Variants in CATSPERE observed in about 807,000 individuals in gnomAD.
CATSPERE encodes cation channel sperm-associated auxiliary subunit epsilon.
In CATSPERE, 93 loss-of-function variants were observed where a neutral mutation model predicts 114.1. The observed-to-expected ratio is 0.81, with a 90% confidence interval of 0.69 to 0.97. The LOEUF is 0.97. CATSPERE is among the 50% of genes least tolerant of loss of function. The pLI is 0.00. For synonymous variants in CATSPERE, 341 were observed against 384.1 expected (o/e 0.89, Z 1.31); for missense variants, 1,058 against 1,131.6 (o/e 0.93, Z 0.93).
At chr1:244,576,120 A>G (rs1287642201) in intron 11 of CATSPERE, among the ~76,000 whole-genome samples, 1 of 151,996 alleles carries the variant, frequency 6.6e-6, no homozygotes, top group African/African-American at 2.4e-5. Flanking sequence ...CTCGTGCACA[A>G]GGTTACCTGG....
At chr1:244,592,330 G>A (rs372552059) in intron 15 of CATSPERE, among the ~76,000 whole-genome samples, 9 of 152,000 alleles carry the variant, frequency 5.9e-5, no homozygotes, top group Admixed American at 1.3e-4. Flanking sequence ...ATATTTAATT[G>A]TATGCATATT....
chr1:244,490,167 A>G (rs1671774487), intron 5 of CATSPERE, among the ~76,000 whole-genome samples: 2 of 152,146 alleles, frequency 1.3e-5, no homozygotes. Context: ...GGTCATTATT[A>G]ATCTTAGCGT....
At chr1:244,485,977 C>T (rs1025757428) in intron 5 of CATSPERE, among the ~76,000 whole-genome samples, 7 of 151,992 alleles carry the variant, frequency 4.6e-5, no homozygotes, top group African/African-American at 1.7e-4. Flanking sequence ...AGCCACCACA[C>T]CAGGCCTCTA....
intron 6 of CATSPERE, among the ~76,000 whole-genome samples, chr1:244,491,866 CACAT>C (rs1672232099): frequency 6.6e-6 from 1 of 152,182 alleles, no homozygotes. Flanking sequence ...AATTCCTTGA[CACAT>C]ACACTCTCCC....
chr1:244,552,507 C>T lies in CATSPERE; in HGVS notation c.722C>T (p.Ala241Val), dbSNP rs1164699320. 1.2e-6 allele frequency: 2 copies of T among 1,614,144 alleles called. No homozygotes were observed. The highest frequency in any genetic ancestry group is 3.3e-5 in the Admixed American group (2 of 60,020). Residue 241 changes from alanine to valine, a missense_variant, in exon 9 of 22, where the codon GCT (alanine) becomes GTT (valine). Physicochemically the swap from Ala to Val is moderately conservative, Grantham distance 64 (BLOSUM62 0). Coordinates refer to ENST00000366534, the MANE Select transcript of CATSPERE (RefSeq NM_001130957.2). ...ISSPRGSQLMASWDACVVASA... is the reference protein window; with the variant it reads ...ISSPRGSQLMVSWDACVVASA... The stretch of plus-strand genomic sequence containing the variant: ...TCACCACGTGGTAGTCAATTAATGG[C>T]TTCCTGGGATGCTTGTGTAGTTGCA...
At chr1:244,559,137 G>C (rs1287210023) in intron 9 of CATSPERE, among the ~76,000 whole-genome samples, 1 of 152,136 alleles carries the variant, frequency 6.6e-6, no homozygotes, top group African/African-American at 2.4e-5. Context: ...GGAATCCTTG[G>C]AATTCTTATC....
intron 8 of CATSPERE, among the ~76,000 whole-genome samples, chr1:244,532,886 G>A (rs1216498761): frequency 6.6e-6 from 1 of 152,032 alleles, no homozygotes; most frequent in East Asian, 1.9e-4. Context: ...GGTCTGTAGT[G>A]GAGATTAAGT....
intron 19 of CATSPERE, among the ~76,000 whole-genome samples, chr1:244,616,062 G>A (rs117259142): frequency 7.9e-5 from 12 of 151,970 alleles, no homozygotes; most frequent in South Asian, 2.1e-4. Flanking sequence ...CTGGGCGATC[G>A]AAGCTTCAGT....
chr1:244,553,330 G>T (rs1453489151), intron 9 of CATSPERE, among the ~76,000 whole-genome samples: 2 of 151,954 alleles, frequency 1.3e-5, no homozygotes, highest in Non-Finnish European at 2.9e-5. Context: ...GGGAGGCCGA[G>T]GCGGGCAGAT....
rs556099147 is a variant in CATSPERE, at chr1:244,516,457, C to T, written c.430-2135C>T. Among the ~76,000 whole-genome samples the T allele has an allele frequency of 1.6e-4, 24 of 152,230 alleles. No homozygotes were observed. In the East Asian group the frequency reaches 4.1e-3, roughly 26 times the overall value. On this transcript the variant is annotated intron_variant, in intron 7 of 21. Transcript: ENST00000366534. ...CAAACTCCTGGGTTCACGTGATCCTCCTGCCTCAGCCTCCTGAGTAGCTGG... is the reference window on the plus strand; with the variant it reads ...CAAACTCCTGGGTTCACGTGATCCTTCTGCCTCAGCCTCCTGAGTAGCTGG...
rs187243756 is a variant in CATSPERE, at chr1:244,614,822, A to G, written c.2491-2707A>G. On this transcript the variant is annotated intron_variant, in intron 19 of 21. Coordinates refer to ENST00000366534, the MANE Select transcript of CATSPERE (RefSeq NM_001130957.2). The stretch of plus-strand genomic sequence containing the variant: ...TCTTATTTTTAAAATTAATTTTTTT[A>G]TTTTCATTTTTACCATGTAATATAT... Among the ~76,000 whole-genome samples, 30 of 151,800 alleles carry G rather than the reference A, an allele frequency of 2.0e-4. No homozygotes were observed. The East Asian group carries it at 5.0e-3, about 25-fold the overall frequency.
At chr1:244,539,427 A>C (rs1658224740) in intron 8 of CATSPERE, among the ~76,000 whole-genome samples, 1 of 135,536 alleles carries the variant, frequency 7.4e-6, no homozygotes, top group African/African-American at 2.7e-5. Context: ...TATTGGTCTA[A>C]AATTCTCTTT....
intron 8 of CATSPERE, among the ~76,000 whole-genome samples, chr1:244,527,177 AG>A (rs1387764338): frequency 6.6e-6 from 1 of 152,178 alleles, no homozygotes; most frequent in Non-Finnish European, 1.5e-5. Context: ...AAAATTTATT[AG>A]GGGGTAATTT....
intron 8 of CATSPERE, among the ~76,000 whole-genome samples, chr1:244,546,124 G>A (rs1044557052): frequency 2.0e-5 from 3 of 152,308 alleles, no homozygotes; most frequent in Non-Finnish European, 4.4e-5. Context: ...GGGTTTTGGA[G>A]AAACCTCAGC....
chr1:244,596,094 G>A (rs746081334), intron 17 of CATSPERE, among the ~76,000 whole-genome samples: 9 of 152,120 alleles, frequency 5.9e-5, no homozygotes, highest in African/African-American at 1.9e-4. Flanking sequence ...CAACCCTGTC[G>A]ATCAAAACAG....
At chr1:244,615,511 G>A (rs914011834) in intron 19 of CATSPERE, among the ~76,000 whole-genome samples, 7 of 151,398 alleles carry the variant, frequency 4.6e-5, no homozygotes, top group African/African-American at 1.5e-4. Flanking sequence ...ATAACTAGGC[G>A]ATATGATAGA....
At chr1:244,493,711 G>A (rs1036017314) in intron 6 of CATSPERE, among the ~76,000 whole-genome samples, 2 of 152,096 alleles carry the variant, frequency 1.3e-5, no homozygotes, top group African/African-American at 4.8e-5. Context: ...TCTGACAAAG[G>A]ACTAATATCC....
intron 8 of CATSPERE, among the ~76,000 whole-genome samples, chr1:244,544,385 G>C (rs1659389836): frequency 6.6e-6 from 1 of 152,212 alleles, no homozygotes; most frequent in South Asian, 2.1e-4. Flanking sequence ...ATGGAGGTTA[G>C]ATGATCAATG....
rs3006037 is a variant in CATSPERE at position 244,512,987 on chromosome 1, C to A, written c.430-5605C>A. Among the ~76,000 whole-genome samples the A allele has an allele frequency of 7.2e-3, 1,100 of 152,278 alleles. 14 individuals carry two copies. The highest frequency in any genetic ancestry group is 0.025 in the African/African-American group (1,025 of 41,550). ...GTGGTAGGGACAGCTGGCTAAACAT[C>A]AGGTTCGTGAACCCCCTGGCAGCCT... On this transcript the variant is annotated intron_variant, in intron 7 of 21. Coordinates refer to ENST00000366534, the MANE Select transcript of CATSPERE (RefSeq NM_001130957.2).
Sources: allele counts gnomAD v4.1 joint callset (sites outside exome capture counted in the v4.1 genomes callset), GRCh38; gene constraint gnomAD v4.1.1; transcripts MANE v1.5; gene names NCBI Gene and HGNC (gene_info 2026-07-23, HGNC 2026-07-21).